PALM3: variants seen among roughly 807,000 people sequenced by gnomAD.
The protein encoded by PALM3 is paralemmin-3.
A neutral mutation model predicts 27.9 loss-of-function variants in PALM3; 20 were observed. That is an observed-to-expected ratio of 0.72 (90% CI 0.50 to 1.04). PALM3 has a LOEUF of 1.04. Among genes scored for constraint, PALM3 ranks in the 50% least tolerant of loss-of-function variants. PALM3 has a pLI of 0.00. For missense variants in PALM3, 814 were observed against 869.4 expected, an observed-to-expected ratio of 0.94 and a Z score of 0.80; for synonymous variants, 328 against 352.7, an observed-to-expected ratio of 0.93 and a Z score of 0.79.
Position 14,054,987 on chromosome 19 carries a change from C to G in PALM3, c.685G>C (p.Gly229Arg). Residue 229 changes from glycine to arginine, a missense_variant, in exon 7 of 7, where the codon GGA becomes CGA. Transcript: ENST00000669674. Reference protein sequence around the residue: ...PSEGRVGEAKGGGVVSVVWEG... With the variant: ...PSEGRVGEAKRGGVVSVVWEG... ...CACACCACACTCACCACGCCCCCTC[C>G]TTTGGCCTCACCCACCCGCCCTTCG... 6.5e-7 allele frequency: 1 copy of G among 1,549,006 alleles called. No homozygotes were observed. Among genetic ancestry groups the G allele is most frequent in the Non-Finnish European group, 8.7e-7 (1 of 1,145,704 alleles).
chr19:14,053,649 T>C lies in PALM3; in HGVS notation c.2023A>G (p.Ser675Gly). Residue 675 changes from serine (S) to glycine (G), a missense_variant, in exon 7 of 7, where the codon AGT becomes GGT. Coordinates refer to ENST00000669674, the MANE Select transcript of PALM3 (RefSeq NM_001145028.2). The stretch of plus-strand genomic sequence containing the variant: ...TGGCACGTCTTTTGCTTAGGGCCAC[T>C]TGCCTCTTCACCCTCGGTGGGGGCA... ...PSAPTEGEEA[S>G]GPKQKTCQCC... is the part of the protein sequence containing the mutation. 1 of 1,467,310 alleles carries C rather than the reference T, an allele frequency of 6.8e-7. No homozygotes were observed. The highest frequency in any genetic ancestry group is 1.4e-5 in the African/African-American group (1 of 70,060). 90.9% of individuals were successfully genotyped at this position (1,467,310 alleles called of 1,614,324 possible). A position where few individuals can be genotyped will look rare whatever the true frequency, so the allele number is the denominator to read the frequency against.
Position 14,059,174 on chromosome 19 carries a change from A to G in PALM3, c.42-11T>C. On this transcript the variant is annotated splice_polypyrimidine_tract_variant and intron_variant, in intron 1 of 6. Transcript: ENST00000669674. ...CTCTCCGCCATGGGCCTGTTGGGAG[A>G]GGGCAGGGGCTTCGAGGGGCTCCCA... 1 of 1,441,316 alleles carries G rather than the reference A, an allele frequency of 6.9e-7. No homozygotes were observed. The highest frequency in any genetic ancestry group is 9.1e-7 in the Non-Finnish European group (1 of 1,099,474). The allele number at this position is 1,441,316 out of a possible 1,614,324, so 89.3% of individuals were successfully genotyped here.
Position 14,054,921 on chromosome 19 carries a change from T to C in PALM3, c.751A>G (p.Thr251Ala), listed in dbSNP as rs1432836117. The change falls in exon 7 of 7, where the codon ACG (threonine) becomes GCG (alanine). Residue 251 changes from threonine to alanine, a missense_variant. By Grantham distance (58) the Thr-to-Ala change is moderately conservative (BLOSUM62 0). Transcript: ENST00000669674. ...RATEDCATGATGPELEAKVEE... is the reference protein window; with the variant it reads ...RATEDCATGAAGPELEAKVEE... ...ACCTTAGCCTCCAGCTCGGGGCCCGTGGCCCCTGTGGCACAGTCCTCTGTG... is the reference window on the plus strand; with the variant it reads ...ACCTTAGCCTCCAGCTCGGGGCCCGCGGCCCCTGTGGCACAGTCCTCTGTG... 1.9e-6 allele frequency: 3 copies of C among 1,549,224 alleles called. No individual in the cohort carries two copies. Among genetic ancestry groups the C allele is most frequent in the South Asian group, 2.4e-5 (2 of 84,022 alleles).
intron 1 of PALM3, among the ~76,000 whole-genome samples, chr19:14,060,319 A>G (rs906233232): frequency 6.6e-6 from 1 of 151,996 alleles, no homozygotes; most frequent in Non-Finnish European, 1.5e-5. Flanking sequence ...TACTATATAT[A>G]GCATATAGTG....
At chr19:14,056,620 G>T in intron 4 of PALM3, 42 bp downstream of exon 4, 1 of 1,551,740 alleles carries the variant, frequency 6.4e-7, no homozygotes. Context: ...ATCTCACCCA[G>T]CTGGGGCAGG....
chr19:14,059,203 T>C (rs1295472244), intron 1 of PALM3, 40 bp from the exon 2 acceptor site: 5 of 1,436,540 alleles, frequency 3.5e-6, no homozygotes, highest in Non-Finnish European at 4.6e-6. Context: ...GCTCCCATCT[T>C]GAACGCCCCC....
At position 14,053,677 on chromosome 19, in the gene PALM3, T is replaced by C. The variant is rs763949331; in HGVS notation, c.1995A>G (p.Pro665=). Residue 665 remains proline, a synonymous_variant, in exon 7 of 7, where the codon CCA becomes CCG. Coordinates refer to ENST00000669674, the MANE Select transcript of PALM3 (RefSeq NM_001145028.2). The part of the protein sequence containing the change: ...PTYAPARQPE[P]SAPTEGEEAS... ...CCTCTTCACCCTCGGTGGGGGCAGA[T>C]GGCTCAGGCTGCCGGGCAGGCGCGT... 7.8e-5 allele frequency: 115 copies of C among 1,481,100 alleles called. No homozygotes were observed. Among genetic ancestry groups the C allele is most frequent in the Middle Eastern group, 3.5e-4 (2 of 5,640 alleles). The allele number at this position is 1,481,100 out of a possible 1,614,324, so 91.7% of individuals were successfully genotyped here.
rs760501649 is a variant in PALM3, at chr19:14,054,527, G to A, written c.1145C>T (p.Ala382Val). ...LVEGLEGPEV[A>V]GRERGDESPL... ...GCTTTCATCTCCTCTCTCCCTCCCT[G>A]CCACCTCGGGCCCTTCCAACCCCTC... Residue 382 changes from alanine to valine, a missense_variant, in exon 7 of 7, where the codon GCA (alanine) becomes GTA (valine). Coordinates refer to ENST00000669674, the MANE Select transcript of PALM3 (RefSeq NM_001145028.2). 19 of 1,550,768 alleles carry A rather than the reference G, an allele frequency of 1.2e-5. No individual in the cohort carries two copies. Among genetic ancestry groups the A allele is most frequent in the Non-Finnish European group, 1.6e-5 (18 of 1,146,744 alleles).
chr19:14,060,842 C>T (rs1055106302), intron 1 of PALM3, among the ~76,000 whole-genome samples: 1 of 152,152 alleles, frequency 6.6e-6, no homozygotes, highest in Non-Finnish European at 1.5e-5. Context: ...CTCACTGCAA[C>T]CCCCGCTTCC....
chr19:14,061,338 G>A (rs990346196), intron 1 of PALM3, among the ~76,000 whole-genome samples: 3 of 152,140 alleles, frequency 2.0e-5, no homozygotes, highest in African/African-American at 7.2e-5. Context: ...CCAAACCTCT[G>A]AAGCCCCCTC....
At chr19:14,057,642 GGGGGC>G (rs1383318127) in intron 2 of PALM3, 2 of 252,042 alleles carry the variant, frequency 7.9e-6, no homozygotes, top group African/African-American at 4.6e-5. Context: ...GCGGAGTGGG[GGGGGC>G]GGGGCGGGGG....
intron 2 of PALM3, among the ~76,000 whole-genome samples, chr19:14,058,376 T>C (rs1976355211): frequency 7.2e-6 from 1 of 139,622 alleles, no homozygotes; most frequent in Non-Finnish European, 1.5e-5. Context: ...GGAGATGGGG[T>C]TCCATAGATG....
chr19:14,056,731 G>C lies in PALM3; in HGVS notation c.245C>G (p.Ser82Trp). 1.9e-6 allele frequency: 3 copies of C among 1,551,724 alleles called. No individual in the cohort carries two copies. In the East Asian group the frequency reaches 7.3e-5, roughly 38 times the overall value. The change falls in exon 4 of 7, where the codon TCG becomes TGG. Residue 82 changes from serine to tryptophan, a missense_variant. Ser to Trp is a radical substitution (Grantham distance 177). Coordinates refer to ENST00000669674, the MANE Select transcript of PALM3 (RefSeq NM_001145028.2). ...GCCCTCGGGTGACTGGGGGTCCTTC[G>C]AGGTGGGGTCTTCGGATGGCTCTGG... is the stretch of plus-strand genomic sequence containing the variant. ...AVPEPSEDPTSKDPQSPEGQA... is the reference protein window; with the variant it reads ...AVPEPSEDPTWKDPQSPEGQA...
chr19:14,056,926 A>G, intron 3 of PALM3, 122 bp from the exon 4 acceptor site: 1 of 1,041,588 alleles, frequency 9.6e-7, no homozygotes, highest in Non-Finnish European at 1.4e-6. Flanking sequence ...GTTGCGACAT[A>G]CATCAGGCTG....
chr19:14,058,976 AG>A, intron 2 of PALM3, 138 bp downstream of exon 2: 1 of 675,210 alleles, frequency 1.5e-6, no homozygotes, highest in Non-Finnish European at 2.3e-6. Context: ...TGGGGGGCAG[AG>A]GGGGCTGGAG....
chr19:14,057,383 C>T lies in PALM3; in HGVS notation c.139G>A (p.Glu47Lys). ...CGCTCCACGCGGAGTTTCTCCTCCT[C>T]CACCTCCCGGCGCGCGGCGCGGATC... ...EEIRAARREVEEEKLRVERLK... is the reference protein window; with the variant it reads ...EEIRAARREVKEEKLRVERLK... Residue 47 changes from glutamate (E) to lysine (K), a missense_variant, in exon 3 of 7, where the codon GAG becomes AAG. Transcript: ENST00000669674. 2 of 1,545,552 alleles carry T rather than the reference C, an allele frequency of 1.3e-6. No individual in the cohort carries two copies. Among genetic ancestry groups the T allele is most frequent in the Admixed American group, 3.9e-5 (2 of 50,880 alleles).
chr19:14,058,078 A>G (rs1976346928), intron 2 of PALM3, among the ~76,000 whole-genome samples: 1 of 152,182 alleles, frequency 6.6e-6, no homozygotes, highest in African/African-American at 2.4e-5. Context: ...ACTGCACTCC[A>G]GCCTGGGCGA....
intron 2 of PALM3, 110 bp downstream of exon 2, chr19:14,059,005 C>A: frequency 2.9e-6 from 3 of 1,029,098 alleles, no homozygotes; most frequent in Non-Finnish European, 4.0e-6. Context: ...GTGGGGAGCC[C>A]TGGGCGGGGC....
intron 1 of PALM3, among the ~76,000 whole-genome samples, chr19:14,061,531 C>T (rs990237365): frequency 3.3e-5 from 5 of 152,176 alleles, no homozygotes; most frequent in African/African-American, 1.2e-4. Flanking sequence ...TTGCCATTGT[C>T]TTTCTCAGGC....
Sources: gnomAD v4.1 joint callset for allele counts (sites outside exome capture counted in the v4.1 genomes callset) on GRCh38, gnomAD v4.1.1 for gene constraint, MANE v1.5 for transcripts, NCBI Gene and HGNC (gene_info 2026-07-23, HGNC 2026-07-21) for gene names.